ZFPM2: variants seen among roughly 807,000 people sequenced by gnomAD.
The protein encoded by ZFPM2 is zinc finger protein ZFPM2.
ZFPM2 carries 20 observed loss-of-function variants against 98.6 expected under a neutral mutation model. The ratio of observed to expected loss-of-function variants is 0.20; its 90% confidence interval spans 0.14 to 0.29. The LOEUF is 0.29. Ranked by LOEUF, ZFPM2 falls within the 10% of genes least tolerant of loss-of-function variation. ZFPM2 has a pLI of 1.00. For synonymous variants in ZFPM2, 518 were observed against 502.7 expected, an observed-to-expected ratio of 1.03 and a Z score of -0.41; for missense variants, 1,310 against 1,388.6, an observed-to-expected ratio of 0.94 and a Z score of 0.90.
intron 1 of ZFPM2, among the ~76,000 whole-genome samples, chr8:105,370,488 G>T (rs1212629984): frequency 1.3e-5 from 2 of 152,188 alleles, no homozygotes; most frequent in Non-Finnish European, 2.9e-5. Context: ...CTTTATAAAT[G>T]ACTTTTTAGA....
intron 1 of ZFPM2, among the ~76,000 whole-genome samples, chr8:105,392,822 ATAAG>A (rs1336248057): frequency 6.6e-6 from 1 of 152,194 alleles, no homozygotes; most frequent in Non-Finnish European, 1.5e-5. Context: ...TTCTTAATCT[ATAAG>A]TGAGAGATTG....
chr8:105,646,236 A>G (rs1817043297), intron 5 of ZFPM2, among the ~76,000 whole-genome samples: 2 of 152,092 alleles, frequency 1.3e-5, no homozygotes, highest in African/African-American at 4.8e-5. Context: ...CTCACTGCAC[A>G]TCCTCCACAG....
chr8:105,682,659 C>T (rs904091648), intron 5 of ZFPM2, among the ~76,000 whole-genome samples: 1 of 152,056 alleles, frequency 6.6e-6, no homozygotes, highest in Non-Finnish European at 1.5e-5. Context: ...ACTACAATAA[C>T]CCTAGAGAAG....
intron 3 of ZFPM2, among the ~76,000 whole-genome samples, chr8:105,465,916 T>C (rs943438227): frequency 8.6e-5 from 13 of 152,014 alleles, no homozygotes; most frequent in African/African-American, 3.1e-4. Flanking sequence ...TAGACAAAAT[T>C]TGAATTTTTG....
intron 1 of ZFPM2, among the ~76,000 whole-genome samples, chr8:105,396,676 T>A (rs1811226032): frequency 6.6e-6 from 1 of 152,224 alleles, no homozygotes; most frequent in Non-Finnish European, 1.5e-5. Context: ...TATCATGCTT[T>A]ACTTTTTATG....
chr8:105,392,425 G>A (rs1811126772), intron 1 of ZFPM2, among the ~76,000 whole-genome samples: 2 of 152,170 alleles, frequency 1.3e-5, no homozygotes, highest in South Asian at 4.1e-4. Flanking sequence ...TACTTGCAGT[G>A]TATCTACATA....
At chr8:105,535,139 T>C (rs1156420018) in intron 3 of ZFPM2, among the ~76,000 whole-genome samples, 2 of 152,180 alleles carry the variant, frequency 1.3e-5, no homozygotes, top group African/African-American at 4.8e-5. Flanking sequence ...GCCATTGGCC[T>C]CCTTCCCATT....
At chr8:105,532,978 G>A (rs1814328444) in intron 3 of ZFPM2, among the ~76,000 whole-genome samples, 1 of 152,098 alleles carries the variant, frequency 6.6e-6, no homozygotes, top group Admixed American at 6.6e-5. Context: ...TTAGTATTCA[G>A]AATGATGCTT....
chr8:105,454,673 A>AT (rs770569230), intron 3 of ZFPM2, among the ~76,000 whole-genome samples: 6 of 152,262 alleles, frequency 3.9e-5, no homozygotes, highest in South Asian at 4.1e-4. Context: ...ACATTTTGTC[A>AT]TTTTTTATGT....
At chr8:105,684,509 T>G (rs1810687432) in intron 5 of ZFPM2, among the ~76,000 whole-genome samples, 1 of 151,970 alleles carries the variant, frequency 6.6e-6, no homozygotes, top group Admixed American at 6.6e-5. Flanking sequence ...ATACTGCAAT[T>G]TGGTTGAAAT....
At chr8:105,414,916 C>G (rs771559683) in intron 1 of ZFPM2, 1 of 152,000 alleles carries the variant, frequency 6.6e-6, no homozygotes, top group African/African-American at 2.4e-5. Flanking sequence ...TCCGATATAC[C>G]CACCTTAGGC....
At chr8:105,759,986 A>C (rs1812699022) in intron 5 of ZFPM2, among the ~76,000 whole-genome samples, 2 of 152,058 alleles carry the variant, frequency 1.3e-5, no homozygotes, top group South Asian at 4.1e-4. Context: ...AAGACAGTAG[A>C]TTAGGTTAAT....
intron 4 of ZFPM2, among the ~76,000 whole-genome samples, chr8:105,625,932 A>G (rs923038627): frequency 2.0e-5 from 3 of 149,680 alleles, no homozygotes; most frequent in Admixed American, 6.8e-5. Flanking sequence ...GAATGGAATG[A>G]TTTTGTTTAT....
intron 1 of ZFPM2, among the ~76,000 whole-genome samples, chr8:105,328,155 A>G (rs537090921): frequency 6.6e-6 from 1 of 151,924 alleles, no homozygotes; most frequent in South Asian, 2.1e-4. Flanking sequence ...TAAAGTATGC[A>G]TTTATTTGGA....
At chr8:105,589,299 C>T (rs1172168160) in intron 4 of ZFPM2, among the ~76,000 whole-genome samples, 2 of 152,180 alleles carry the variant, frequency 1.3e-5, no homozygotes, top group Non-Finnish European at 2.9e-5. Context: ...TATCATAGAT[C>T]ATCCAGACTT....
intron 5 of ZFPM2, among the ~76,000 whole-genome samples, chr8:105,747,192 AC>A (rs1171912664): frequency 6.6e-6 from 1 of 152,106 alleles, no homozygotes; most frequent in Non-Finnish European, 1.5e-5. Flanking sequence ...AATGCACTTC[AC>A]TGCTCCCCTT....
At chr8:105,692,192 T>A (rs1810902500) in intron 5 of ZFPM2, among the ~76,000 whole-genome samples, 1 of 152,240 alleles carries the variant, frequency 6.6e-6, no homozygotes, top group African/African-American at 2.4e-5. Flanking sequence ...AACATTTGTT[T>A]AATTTGTATA....
chr8:105,336,441 A>G (rs1321055496), intron 1 of ZFPM2, among the ~76,000 whole-genome samples: 2 of 151,740 alleles, frequency 1.3e-5, no homozygotes, highest in Non-Finnish European at 2.9e-5. Flanking sequence ...ATATAATTTT[A>G]AAGGTCTTTG....
intron 5 of ZFPM2, among the ~76,000 whole-genome samples, chr8:105,670,292 T>A (rs183184302): frequency 1.3e-5 from 2 of 151,882 alleles, no homozygotes; most frequent in Non-Finnish European, 2.9e-5. Flanking sequence ...GTCACGAGAT[T>A]GAGACCATCC....
Sources: allele counts gnomAD v4.1 joint callset (sites outside exome capture counted in the v4.1 genomes callset), GRCh38; gene constraint gnomAD v4.1.1; transcripts MANE v1.5; gene names NCBI Gene and HGNC (gene_info 2026-07-23, HGNC 2026-07-21).